Variants in IFRD1 observed in about 807,000 individuals in gnomAD.
IFRD1 encodes the protein interferon-related developmental regulator 1.
A neutral mutation model predicts 52.9 loss-of-function variants in IFRD1; 35 were observed. That is an observed-to-expected ratio of 0.66 (90% CI 0.51 to 0.88). The LOEUF (loss-of-function observed/expected upper bound fraction) is 0.88, where lower values mean the gene tolerates loss of function less well. IFRD1 is among the 40% of genes least tolerant of loss of function. IFRD1 has a pLI of 0.00. For missense variants in IFRD1, 517 were observed against 550.8 expected (o/e 0.94, Z 0.61); for synonymous variants, 184 against 188.4 (o/e 0.98, Z 0.19).
upstream of IFRD1, among the ~76,000 whole-genome samples, chr7:112,449,389 G>A (rs1006421734): frequency 3.9e-5 from 6 of 152,162 alleles, no homozygotes; most frequent in East Asian, 1.2e-3. Context: ...TATAGTATTC[G>A]TTTCAGAGAT....
intron 1 of IFRD1, among the ~76,000 whole-genome samples, chr7:112,452,675 C>A (rs186360538): frequency 6.6e-6 from 1 of 152,240 alleles, no homozygotes; most frequent in East Asian, 1.9e-4. Context: ...GCTTATAGTA[C>A]CTATACAGGC....
intron 1 of IFRD1, among the ~76,000 whole-genome samples, chr7:112,439,080 A>C (rs182672557): frequency 1.3e-5 from 2 of 152,342 alleles, no homozygotes; most frequent in Admixed American, 1.3e-4. Context: ...GTAAAGAACA[A>C]GAGAGTGAAA....
chr7:112,462,912 G>A (rs778293095), intron 8 of IFRD1, among the ~76,000 whole-genome samples: 3 of 152,144 alleles, frequency 2.0e-5, no homozygotes, highest in Non-Finnish European at 2.9e-5. Flanking sequence ...CTTGGCTCTC[G>A]AAGGGATTTG....
At chr7:112,437,721 G>A (rs1238861187) in intron 1 of IFRD1, among the ~76,000 whole-genome samples, 2 of 151,496 alleles carry the variant, frequency 1.3e-5, no homozygotes, top group Admixed American at 6.6e-5. Context: ...AGGGATGAAA[G>A]TGGGGGCTGG....
chr7:112,441,218 T>C (rs1409249673), intron 1 of IFRD1, among the ~76,000 whole-genome samples: 1 of 151,962 alleles, frequency 6.6e-6, no homozygotes, highest in Non-Finnish European at 1.5e-5. Flanking sequence ...GAGGTTGCAG[T>C]GAGCCAACAC....
At chr7:112,452,487 C>T (rs902632740) in intron 1 of IFRD1, 2 of 969,102 alleles carry the variant, frequency 2.1e-6, no homozygotes, top group Non-Finnish European at 1.2e-6. Flanking sequence ...TCATCTGAAT[C>T]AAACATTTGA....
At chr7:112,453,642 C>T (rs1407482984) in intron 1 of IFRD1, among the ~76,000 whole-genome samples, 1 of 152,114 alleles carries the variant, frequency 6.6e-6, no homozygotes, top group Non-Finnish European at 1.5e-5. Flanking sequence ...TTACTTCAGT[C>T]ATAAAAACGA....
chr7:112,429,698 A>G (rs1794505399), intron 1 of IFRD1, among the ~76,000 whole-genome samples: 1 of 152,240 alleles, frequency 6.6e-6, no homozygotes, highest in Admixed American at 6.5e-5. Context: ...CATGATATCA[A>G]TTTAATATTT....
rs72284919 is a variant in IFRD1, at chr7:112,463,853, TACACACAC to T, written c.906+1510_906+1517del. On this transcript the variant is annotated intron_variant, in intron 8 of 11. Transcript: ENST00000403825. ...ATATACATATATATACACATTTATA[TACACACAC>T]ACACACACACACACACACACACACA... Among the ~76,000 whole-genome samples, 40 of 43,454 alleles carry T rather than the reference TACACACAC, an allele frequency of 9.2e-4. 1 individual carries two copies. Among genetic ancestry groups the T allele is most frequent in the African/African-American group, 4.1e-3 (15 of 3,630 alleles). The allele number at this position is 43,454 out of a possible 152,430, so 28.5% of individuals were successfully genotyped here.
Position 112,463,851 on chromosome 7 carries a change from TATAC to T in IFRD1, c.906+1475_906+1478del, listed in dbSNP as rs200295227. On this transcript the variant is annotated intron_variant, in intron 8 of 11. Coordinates refer to ENST00000403825, the MANE Select transcript of IFRD1 (RefSeq NM_001550.4). ...ACATATACATATATATACACATTTA[TATAC>T]ACACACACACACACACACACACACA... Among the ~76,000 whole-genome samples, 45 of 26,934 alleles carry T rather than the reference TATAC, an allele frequency of 1.7e-3. 1 individual carries two copies. The highest frequency in any genetic ancestry group is 7.6e-3 in the African/African-American group (35 of 4,590). 17.7% of individuals were successfully genotyped at this position (26,934 alleles called of 152,430 possible). A position where few individuals can be genotyped will look rare whatever the true frequency, so the allele number is the denominator to read the frequency against.
chr7:112,450,226 C>G, upstream of IFRD1: 1 of 167,880 alleles, frequency 6.0e-6, no homozygotes, highest in South Asian at 1.1e-4. Flanking sequence ...GAGGAGGCCC[C>G]GGCCCCAGCC....
In IFRD1 at chr7:112,427,823, C is replaced by T. The variant is rs141718483; in HGVS notation, c.-182+4391C>T. ...GAGACCTACATTCTGTGAAGTGCTG[C>T]GGATAAAAAAATGCATCAGATGTGG... On this transcript the variant is annotated intron_variant, in intron 1 of 12. Coordinates refer to the IFRD1 transcript ENST00000005558. Among the ~76,000 whole-genome samples, 22 of 152,120 alleles carry T rather than the reference C, an allele frequency of 1.4e-4. No individual in the cohort carries two copies. In the Middle Eastern group the frequency reaches 0.027, roughly 188 times the overall value.
chr7:112,445,542 T>C (rs1795009222), upstream of IFRD1, among the ~76,000 whole-genome samples: 1 of 152,232 alleles, frequency 6.6e-6, no homozygotes, highest in Non-Finnish European at 1.5e-5. Flanking sequence ...ACAGTGGCAG[T>C]GTGGACTTGC....
chr7:112,446,688 G>C (rs1795037302), upstream of IFRD1, among the ~76,000 whole-genome samples: 1 of 152,170 alleles, frequency 6.6e-6, no homozygotes, highest in African/African-American at 2.4e-5. Flanking sequence ...AGTGTGGGAA[G>C]CTCGGGTTGA....
chr7:112,472,490 A>C, intron 10 of IFRD1, 143 bp downstream of exon 10: 1 of 951,698 alleles, frequency 1.1e-6, no homozygotes, highest in Middle Eastern at 2.7e-4. Context: ...TTGAAAGTAG[A>C]CTTGAATAAA....
intron 10 of IFRD1, 31 bp from the exon 11 acceptor site, chr7:112,472,733 ACT>A (rs1795783575): frequency 7.8e-7 from 1 of 1,275,416 alleles, no homozygotes; most frequent in South Asian, 1.2e-5. Context: ...AATGTTTAAT[ACT>A]GAGCCATACC....
At chr7:112,439,287 G>T (rs1369496783) in intron 1 of IFRD1, among the ~76,000 whole-genome samples, 1 of 152,112 alleles carries the variant, frequency 6.6e-6, no homozygotes, top group Non-Finnish European at 1.5e-5. Flanking sequence ...TTCTTTCTTG[G>T]AACATATGGG....
chr7:112,458,585 T>C (rs1489236141), intron 4 of IFRD1, among the ~76,000 whole-genome samples: 1 of 152,210 alleles, frequency 6.6e-6, no homozygotes, highest in Non-Finnish European at 1.5e-5. Context: ...AGATAGATAC[T>C]AATCTCCATT....
At position 112,476,155 on chromosome 7, in the gene IFRD1, A is replaced by G. The variant is rs555008073; in HGVS notation, c.*636A>G. 1.3e-5 allele frequency: 2 copies of G among 152,316 alleles called. No homozygotes were observed. The highest frequency in any genetic ancestry group is 3.9e-4 in the East Asian group (2 of 5,186). 9.4% of individuals were successfully genotyped at this position (152,316 alleles called of 1,614,324 possible). A position where few individuals can be genotyped will look rare whatever the true frequency, so the allele number is the denominator to read the frequency against. ...TTATCTGCTGTATGAGACTTTGTGCATTTTACTTTGAAATAAAGATTTTTT... is the reference window on the plus strand; with the variant it reads ...TTATCTGCTGTATGAGACTTTGTGCGTTTTACTTTGAAATAAAGATTTTTT... On this transcript the variant is annotated 3_prime_UTR_variant, in exon 12 of 12. Transcript: ENST00000403825.
Sources: gnomAD v4.1 joint callset for allele counts (sites outside exome capture counted in the v4.1 genomes callset) on GRCh38, gnomAD v4.1.1 for gene constraint, MANE v1.5 for transcripts, NCBI Gene and HGNC (gene_info 2026-07-23, HGNC 2026-07-21) for gene names.